Variants in TUSC3 observed in about 807,000 individuals in gnomAD.
TUSC3 encodes dolichyl-diphosphooligosaccharide--protein glycosyltransferase subunit TUSC3.
In TUSC3, 45 loss-of-function variants were observed where a neutral mutation model predicts 44.8. The ratio of observed to expected loss-of-function variants is 1.00; its 90% confidence interval spans 0.79 to 1.29. TUSC3 has a LOEUF of 1.29. Ranked by LOEUF, TUSC3 falls within the 50% of genes most tolerant of loss-of-function variation. The probability of loss-of-function intolerance (pLI) is 0.00; values close to 1 mark genes in which losing one functional copy is unlikely to be tolerated. For synonymous variants in TUSC3, 212 were observed against 152.9 expected (o/e 1.39, Z -2.85); for missense variants, 519 against 437.9 (o/e 1.19, Z -1.65).
At chr8:15,523,662 ATATGTGTGTGTGTGTGTG>A (rs1801330986) in intron 2 of TUSC3, among the ~76,000 whole-genome samples, 1 of 21,894 alleles carries the variant, frequency 4.6e-5, no homozygotes, top group South Asian at 1.0e-3. Context: ...ATATATATAT[ATATGTGTGTGTGTGTGTG>A]TGTGTGTGTG....
At chr8:15,829,177 A>T in the TUSC3 span, among the ~76,000 whole-genome samples, 1 of 152,098 alleles carries the variant, frequency 6.6e-6, no homozygotes, top group Non-Finnish European at 1.5e-5. Flanking sequence ...AACTTATTTA[A>T]CCAGTTCCCC....
At chr8:15,623,298 A>C (rs1253545011) in intron 2 of TUSC3, 49 bp downstream of exon 2, 1 of 1,485,180 alleles carries the variant, frequency 6.7e-7, no homozygotes, top group Non-Finnish European at 9.0e-7. Context: ...CTTGGTTTAC[A>C]TATATATTTT....
intron 1 of TUSC3, among the ~76,000 whole-genome samples, chr8:15,453,934 T>A (rs948971984): frequency 6.6e-6 from 1 of 151,734 alleles, no homozygotes; most frequent in Non-Finnish European, 1.5e-5. Flanking sequence ...ATCTCAGGAG[T>A]TGGGCAAGTG....
At chr8:15,473,346 T>C (rs1800521784) in intron 1 of TUSC3, among the ~76,000 whole-genome samples, 1 of 152,190 alleles carries the variant, frequency 6.6e-6, no homozygotes, top group Admixed American at 6.5e-5. Context: ...AAAGGAAATG[T>C]TTCATCCCAT....
intron 1 of TUSC3, among the ~76,000 whole-genome samples, chr8:15,618,903 C>G (rs1805115029): frequency 6.6e-6 from 1 of 152,108 alleles, no homozygotes; most frequent in South Asian, 2.1e-4. Context: ...CCATTATAAT[C>G]TTATGGGACC....
At chr8:15,540,977 A>G (rs959710611) in intron 1 of TUSC3, among the ~76,000 whole-genome samples, 5 of 152,246 alleles carry the variant, frequency 3.3e-5, no homozygotes, top group Non-Finnish European at 4.4e-5. Flanking sequence ...ACCCATTTCA[A>G]GAAGCAACAG....
intron 1 of TUSC3, among the ~76,000 whole-genome samples, chr8:15,425,578 G>A (rs1458019239): frequency 1.3e-5 from 2 of 152,216 alleles, no homozygotes; most frequent in African/African-American, 4.8e-5. Flanking sequence ...AAAGCTTTGG[G>A]AAACAGAAGT....
chr8:15,587,683 G>T (rs914790150), intron 1 of TUSC3, among the ~76,000 whole-genome samples: 6 of 151,938 alleles, frequency 3.9e-5, no homozygotes, highest in Admixed American at 3.9e-4. Flanking sequence ...CTATCTGGCT[G>T]TAATTTTGTA....
At chr8:15,449,362 C>A (rs886662284) in intron 1 of TUSC3, among the ~76,000 whole-genome samples, 1 of 152,150 alleles carries the variant, frequency 6.6e-6, no homozygotes, top group African/African-American at 2.4e-5. Flanking sequence ...AGTTTTTTGA[C>A]CCTCTGATGT....
chr8:15,774,196 A>G, the TUSC3 span, among the ~76,000 whole-genome samples: 31 of 152,222 alleles, frequency 2.0e-4, no homozygotes, highest in South Asian at 1.0e-3. Context: ...GCCAAAAGAC[A>G]AAATCTCAAT....
intron 2 of TUSC3, among the ~76,000 whole-genome samples, chr8:15,508,298 G>A (rs867022614): frequency 7.9e-5 from 12 of 152,074 alleles, no homozygotes; most frequent in Middle Eastern, 3.4e-3. Flanking sequence ...CAAATTATGG[G>A]TAATAAAAAA....
intron 2 of TUSC3, among the ~76,000 whole-genome samples, chr8:15,534,125 G>A (rs562970790): frequency 7.9e-5 from 12 of 152,136 alleles, no homozygotes; most frequent in Admixed American, 7.9e-4. Flanking sequence ...TTTTCCCTTT[G>A]GTTTAGTGAG....
intron 6 of TUSC3, among the ~76,000 whole-genome samples, chr8:15,723,748 A>G (rs1311464274): frequency 2.0e-5 from 3 of 152,170 alleles, no homozygotes; most frequent in African/African-American, 7.2e-5. Context: ...GTGATGACCC[A>G]AGATACTTCC....
chr8:15,451,781 C>G (rs568504891), intron 1 of TUSC3, among the ~76,000 whole-genome samples: 34 of 152,172 alleles, frequency 2.2e-4, no homozygotes, highest in African/African-American at 8.2e-4. Context: ...GTCTGATGCT[C>G]TCTCCAGAAA....
chr8:15,738,827 C>CTTTTTTTTTTCTTTGTTTTTTT (rs1373248681), intron 7 of TUSC3, among the ~76,000 whole-genome samples: 1 of 87,172 alleles, frequency 1.1e-5, no homozygotes, highest in Non-Finnish European at 2.1e-5. Flanking sequence ...ATATATCTTG[C>CTTTTTTTTTTCTTTGTTTTTTT]TTTTTTTTTT....
At chr8:15,575,672 C>G (rs558131395) in intron 1 of TUSC3, among the ~76,000 whole-genome samples, 1 of 152,082 alleles carries the variant, frequency 6.6e-6, no homozygotes, top group Admixed American at 6.6e-5. Flanking sequence ...GAAGCTGAGG[C>G]AGGAGAATCA....
chr8:15,508,847 A>T (rs1229780931), intron 2 of TUSC3, among the ~76,000 whole-genome samples: 2 of 152,192 alleles, frequency 1.3e-5, no homozygotes, highest in Non-Finnish European at 2.9e-5. Flanking sequence ...TTACTCTGCT[A>T]CTCACTCTGT....
the TUSC3 span, among the ~76,000 whole-genome samples, chr8:15,851,611 G>C: frequency 6.6e-6 from 1 of 152,180 alleles, no homozygotes; most frequent in Non-Finnish European, 1.5e-5. Flanking sequence ...AACCTTGATT[G>C]CTCTGACTTC....
the TUSC3 span, among the ~76,000 whole-genome samples, chr8:15,850,282 G>C: frequency 6.6e-6 from 1 of 152,052 alleles, no homozygotes; most frequent in Admixed American, 6.6e-5. Context: ...ATTTCATTCA[G>C]AAATGTTGTG....
Sources: allele counts gnomAD v4.1 joint callset (sites outside exome capture counted in the v4.1 genomes callset), GRCh38; gene constraint gnomAD v4.1.1; transcripts MANE v1.5; gene names NCBI Gene and HGNC (gene_info 2026-07-23, HGNC 2026-07-21).